RAD51B: variants seen among roughly 807,000 people sequenced by gnomAD.
The protein encoded by RAD51B is RAD51 paralog B, also known as DNA repair protein RAD51 homolog 2.
RAD51B carries 38 observed loss-of-function variants against 42.2 expected under a neutral mutation model. That is an observed-to-expected ratio of 0.90 (90% CI 0.70 to 1.18). RAD51B has a LOEUF of 1.18. RAD51B is among the 50% of genes most tolerant of loss of function. RAD51B has a pLI of 0.00. For synonymous variants in RAD51B, 154 were observed against 145.2 expected (o/e 1.06, Z -0.43); for missense variants, 373 against 400.7 (o/e 0.93, Z 0.59).
intron 7 of RAD51B, among the ~76,000 whole-genome samples, chr14:68,263,005 A>G (rs966354427): frequency 1.3e-5 from 2 of 152,168 alleles, no homozygotes; most frequent in African/African-American, 4.8e-5. Flanking sequence ...TCTCTTGGTA[A>G]TGTGGCTTTT....
chr14:68,455,469 G>T (rs1470434208), intron 9 of RAD51B, among the ~76,000 whole-genome samples: 1 of 152,042 alleles, frequency 6.6e-6, no homozygotes, highest in African/African-American at 2.4e-5. Flanking sequence ...TGTAATCCCA[G>T]CACTTTGGGA....
intron 7 of RAD51B, among the ~76,000 whole-genome samples, chr14:67,912,708 GT>G (rs775992140): frequency 6.1e-4 from 88 of 143,932 alleles, no homozygotes; most frequent in Admixed American, 4.9e-4. Context: ...ACTTCTCTAA[GT>G]TTTTTTTTTT....
chr14:68,673,545 T>C lies in RAD51B; in HGVS notation c.*11+22689T>C, dbSNP rs567932559. On this transcript the variant is annotated intron_variant, in intron 11 of 11. Transcript: ENST00000488612. Reference sequence around the variant, plus strand: ...GTACGCGCACACACATACACATACATATGTACACACATATGTATGCACACA... The same window carrying C: ...GTACGCGCACACACATACACATACACATGTACACACATATGTATGCACACA... Among the ~76,000 whole-genome samples, 1,242 of 150,562 alleles carry C rather than the reference T, an allele frequency of 8.2e-3. 28 individuals carry two copies. The highest frequency in any genetic ancestry group is 0.029 in the African/African-American group (1,185 of 40,818).
intron 11 of RAD51B, among the ~76,000 whole-genome samples, chr14:68,660,580 G>C (rs1382367441): frequency 2.0e-5 from 3 of 152,222 alleles, no homozygotes; most frequent in Admixed American, 6.5e-5. Flanking sequence ...GGGCAGACAC[G>C]GGGTTCCAGA....
chr14:68,035,646 G>T (rs979228398), intron 7 of RAD51B, among the ~76,000 whole-genome samples: 1 of 152,176 alleles, frequency 6.6e-6, no homozygotes, highest in Non-Finnish European at 1.5e-5. Context: ...GTTCAATTAG[G>T]TGTAGTTGTT....
chr14:68,191,230 A>G (rs760650915), intron 7 of RAD51B, among the ~76,000 whole-genome samples: 1 of 152,180 alleles, frequency 6.6e-6, no homozygotes, highest in Non-Finnish European at 1.5e-5. Flanking sequence ...CAGGGTTAAC[A>G]TATGAACTGG....
intron 7 of RAD51B, among the ~76,000 whole-genome samples, chr14:68,290,319 C>G (rs959991257): frequency 6.6e-6 from 1 of 152,340 alleles, no homozygotes; most frequent in African/African-American, 2.4e-5. Flanking sequence ...CTCATAGTTT[C>G]TTCCCACGAT....
intron 7 of RAD51B, among the ~76,000 whole-genome samples, chr14:68,154,692 T>C (rs532223131): frequency 2.0e-5 from 3 of 151,568 alleles, no homozygotes; most frequent in Non-Finnish European, 2.9e-5. Context: ...TGTAGAACTT[T>C]CCTTTTTTTT....
intron 7 of RAD51B, among the ~76,000 whole-genome samples, chr14:67,997,749 A>G (rs1046705659): frequency 2.6e-5 from 4 of 152,340 alleles, no homozygotes; most frequent in African/African-American, 9.6e-5. Context: ...AAGTTCAACC[A>G]GTTAATACTG....
At chr14:67,831,442 G>A (rs970967502) in intron 3 of RAD51B, among the ~76,000 whole-genome samples, 5 of 152,206 alleles carry the variant, frequency 3.3e-5, no homozygotes, top group South Asian at 2.1e-4. Flanking sequence ...AGCAGCCACC[G>A]AAGTAGAAGA....
chr14:68,592,339 C>A (rs1890789892), intron 10 of RAD51B, among the ~76,000 whole-genome samples: 2 of 151,406 alleles, frequency 1.3e-5, no homozygotes, highest in African/African-American at 2.4e-5. Flanking sequence ...CTGAGTGGCC[C>A]CAAATGTTGT....
intron 7 of RAD51B, among the ~76,000 whole-genome samples, chr14:68,062,526 G>T (rs945524362): frequency 2.0e-5 from 3 of 152,102 alleles, no homozygotes; most frequent in Non-Finnish European, 2.9e-5. Flanking sequence ...AGGTGCGGTG[G>T]CTCATGCCTG....
intron 7 of RAD51B, among the ~76,000 whole-genome samples, chr14:68,195,663 CT>C: frequency 6.6e-6 from 1 of 152,174 alleles, no homozygotes; most frequent in East Asian, 1.9e-4. Context: ...AATCCCAGCA[CT>C]TTGGGAGGCT....
intron 9 of RAD51B, among the ~76,000 whole-genome samples, chr14:68,460,722 GA>G (rs1389243475): frequency 6.6e-6 from 1 of 152,186 alleles, no homozygotes; most frequent in East Asian, 1.9e-4. Context: ...GAGCCTCTTG[GA>G]AGTGGGATCA....
At chr14:68,161,959 A>G (rs1228139123) in intron 7 of RAD51B, among the ~76,000 whole-genome samples, 1 of 152,228 alleles carries the variant, frequency 6.6e-6, no homozygotes, top group African/African-American at 2.4e-5. Context: ...GTGTGGTGCT[A>G]CTGTATAGAG....
At chr14:68,183,565 C>G (rs886128731) in intron 7 of RAD51B, among the ~76,000 whole-genome samples, 1 of 152,196 alleles carries the variant, frequency 6.6e-6, no homozygotes, top group Non-Finnish European at 1.5e-5. Flanking sequence ...CAGGTTGACA[C>G]TCAGTATTAT....
chr14:68,177,348 G>A (rs967542449), intron 7 of RAD51B, among the ~76,000 whole-genome samples: 11 of 152,194 alleles, frequency 7.2e-5, no homozygotes, highest in African/African-American at 2.4e-4. Context: ...TGTTTACACA[G>A]GTAGGCACCT....
intron 7 of RAD51B, among the ~76,000 whole-genome samples, chr14:68,005,532 C>G (rs2075574635): frequency 6.6e-6 from 1 of 152,122 alleles, no homozygotes; most frequent in Admixed American, 6.6e-5. Context: ...AGTTGTTGAA[C>G]TAATTTATAT....
chr14:68,258,429 A>ACT (rs779080132), intron 7 of RAD51B, among the ~76,000 whole-genome samples: 37 of 147,376 alleles, frequency 2.5e-4, no homozygotes, highest in South Asian at 8.6e-4. Flanking sequence ...ACACACACAC[A>ACT]CACTCTCTCT....
Sources: gnomAD v4.1 joint callset for allele counts (sites outside exome capture counted in the v4.1 genomes callset) on GRCh38, gnomAD v4.1.1 for gene constraint, MANE v1.5 for transcripts, NCBI Gene and HGNC (gene_info 2026-07-23, HGNC 2026-07-21) for gene names.